The following CNTNAP2 variants were observed in gnomAD, a reference collection of about 807,000 sequenced individuals.
CNTNAP2 encodes the protein contactin-associated protein-like 2.
A neutral mutation model predicts 155.2 loss-of-function variants in CNTNAP2; 98 were observed. The observed-to-expected ratio is 0.63, with a 90% CI of 0.54 to 0.75. The LOEUF is 0.75. Among genes scored for constraint, CNTNAP2 ranks in the 30% least tolerant of loss-of-function variants. CNTNAP2 has a pLI of 0.00. For synonymous variants in CNTNAP2, 651 were observed against 631.2 expected (o/e 1.03, Z -0.47); for missense variants, 1,727 against 1,688.1 (o/e 1.02, Z -0.40).
chr7:147,019,048 AC>A (rs1372324632), intron 3 of CNTNAP2, among the ~76,000 whole-genome samples: 2 of 152,072 alleles, frequency 1.3e-5, no homozygotes, highest in Non-Finnish European at 2.9e-5. Flanking sequence ...AAGAATCAGG[AC>A]CCAAAGAGTT....
intron 3 of CNTNAP2, among the ~76,000 whole-genome samples, chr7:146,970,844 A>T (rs1034431901): frequency 9.2e-5 from 14 of 152,198 alleles, no homozygotes; most frequent in Non-Finnish European, 4.4e-5. Context: ...GGATTAAGAA[A>T]ATGTGGCACA....
intron 1 of CNTNAP2, among the ~76,000 whole-genome samples, chr7:146,682,388 C>T (rs888400255): frequency 6.6e-6 from 1 of 152,022 alleles, no homozygotes; most frequent in African/African-American, 2.4e-5. Context: ...AGGTTTGGAA[C>T]CGTTTATAGT....
At chr7:147,945,730 C>T (rs2116821747) in intron 14 of CNTNAP2, among the ~76,000 whole-genome samples, 1 of 151,730 alleles carries the variant, frequency 6.6e-6, no homozygotes, top group Non-Finnish European at 1.5e-5. Context: ...CATGCTCAGA[C>T]TCCAGAAGAT....
chr7:148,076,036 G>A (rs17481353), intron 15 of CNTNAP2, among the ~76,000 whole-genome samples: 6,134 of 152,234 alleles, frequency 0.04, 212 homozygotes, highest in Admixed American at 0.11. Flanking sequence ...AAGAATGTGG[G>A]CAATAAGAAT....
At chr7:148,395,210 TC>T (rs1286238466) in intron 22 of CNTNAP2, among the ~76,000 whole-genome samples, 1 of 151,832 alleles carries the variant, frequency 6.6e-6, no homozygotes, top group Non-Finnish European at 1.5e-5. Flanking sequence ...TTCTTTGTTT[TC>T]TTTCTACTGT....
chr7:146,835,477 G>T (rs747788211), intron 2 of CNTNAP2, among the ~76,000 whole-genome samples: 1 of 152,100 alleles, frequency 6.6e-6, no homozygotes, highest in Admixed American at 6.6e-5. Flanking sequence ...CACAATAACT[G>T]AGTATATTGT....
At chr7:147,176,935 A>C (rs1802359727) in intron 8 of CNTNAP2, among the ~76,000 whole-genome samples, 1 of 136,238 alleles carries the variant, frequency 7.3e-6, no homozygotes, top group Admixed American at 7.9e-5. Context: ...ATAATATATA[A>C]TAGAATTATA....
chr7:146,506,290 A>G (rs897518715), intron 1 of CNTNAP2, among the ~76,000 whole-genome samples: 3 of 152,144 alleles, frequency 2.0e-5, no homozygotes, highest in African/African-American at 7.2e-5. Flanking sequence ...CATCCACCCT[A>G]CTGTCACTTG....
intron 13 of CNTNAP2, among the ~76,000 whole-genome samples, chr7:147,836,224 A>G (rs1395138452): frequency 6.6e-6 from 1 of 152,216 alleles, no homozygotes; most frequent in Non-Finnish European, 1.5e-5. Flanking sequence ...CTTTTCAGTT[A>G]GGAATAATTA....
intron 1 of CNTNAP2, among the ~76,000 whole-genome samples, chr7:146,397,220 A>G (rs1330571987): frequency 6.6e-6 from 1 of 152,186 alleles, no homozygotes; most frequent in Non-Finnish European, 1.5e-5. Flanking sequence ...GTCTACTTCC[A>G]CATATAATGG....
At chr7:146,852,722 A>T (rs1046412546) in intron 3 of CNTNAP2, among the ~76,000 whole-genome samples, 2 of 152,210 alleles carry the variant, frequency 1.3e-5, no homozygotes, top group Non-Finnish European at 2.9e-5. Flanking sequence ...TTAAAAGTTG[A>T]GGTTGAATTG....
intron 1 of CNTNAP2, among the ~76,000 whole-genome samples, chr7:146,400,032 G>A (rs1795691126): frequency 6.6e-6 from 1 of 152,092 alleles, no homozygotes; most frequent in African/African-American, 2.4e-5. Flanking sequence ...AGAAGAAAAA[G>A]TCCAGTTTTG....
In CNTNAP2 at chr7:147,577,435, A is replaced by G. The variant is rs542244486; in HGVS notation, c.1897+15178A>G. On this transcript the variant is annotated intron_variant, in intron 12 of 23. Coordinates refer to ENST00000361727, the MANE Select transcript of CNTNAP2 (RefSeq NM_014141.6). ...GCATTTCAAAGAGAATAACAACAAG[A>G]TGAACCAAAATATGGAAGCAATATT... Among the ~76,000 whole-genome samples, 3 of 152,144 alleles carry G rather than the reference A, an allele frequency of 2.0e-5. No homozygotes were observed. The South Asian group carries it at 6.2e-4, about 32-fold the overall frequency.
intron 3 of CNTNAP2, among the ~76,000 whole-genome samples, chr7:146,980,210 G>T (rs996369603): frequency 3.3e-5 from 5 of 151,862 alleles, no homozygotes; most frequent in Admixed American, 1.3e-4. Context: ...GTTGGTGGGG[G>T]TTACCTATGT....
intron 16 of CNTNAP2, among the ~76,000 whole-genome samples, chr7:148,144,883 ATC>A (rs1374344575): frequency 6.6e-6 from 1 of 152,080 alleles, no homozygotes; most frequent in Non-Finnish European, 1.5e-5. Flanking sequence ...CTCTATAATT[ATC>A]TCTTTTAAAA....
At chr7:147,731,681 C>A (rs181016654) in intron 13 of CNTNAP2, among the ~76,000 whole-genome samples, 24 of 152,188 alleles carry the variant, frequency 1.6e-4, no homozygotes, top group Admixed American at 1.2e-3. Flanking sequence ...AAATACAATT[C>A]ATAGGGCTAG....
chr7:147,151,673 G>A (rs1463188412), intron 8 of CNTNAP2, among the ~76,000 whole-genome samples: 1 of 151,416 alleles, frequency 6.6e-6, no homozygotes, highest in African/African-American at 2.4e-5. Context: ...TTTCTAAAGG[G>A]TAAAAACAAA....
chr7:146,970,275 C>T (rs1797756380), intron 3 of CNTNAP2, among the ~76,000 whole-genome samples: 1 of 152,026 alleles, frequency 6.6e-6, no homozygotes, highest in African/African-American at 2.4e-5. Flanking sequence ...GAACAGGCAA[C>T]CTACAAAATC....
intron 13 of CNTNAP2, among the ~76,000 whole-genome samples, chr7:147,812,737 T>G (rs1413345889): frequency 2.6e-5 from 4 of 152,160 alleles, no homozygotes; most frequent in African/African-American, 4.8e-5. Context: ...TATGACAATA[T>G]ACTTCTTTTT....
Sources: gnomAD v4.1 joint callset for allele counts (sites outside exome capture counted in the v4.1 genomes callset) on GRCh38, gnomAD v4.1.1 for gene constraint, MANE v1.5 for transcripts, NCBI Gene and HGNC (gene_info 2026-07-23, HGNC 2026-07-21) for gene names.